Variants in JAKMIP1 observed in about 807,000 individuals in gnomAD.
The protein encoded by JAKMIP1 is janus kinase and microtubule interacting protein 1, also known as janus kinase and microtubule-interacting protein 1.
A neutral mutation model predicts 113.0 loss-of-function variants in JAKMIP1; 33 were observed. The ratio of observed to expected loss-of-function variants is 0.29; its 90% CI spans 0.22 to 0.39. The LOEUF is 0.39. JAKMIP1 is among the 10% of genes least tolerant of loss of function. JAKMIP1 has a pLI of 1.00. For missense variants in JAKMIP1, 813 were observed against 1,080.5 expected (o/e 0.75, Z 3.47); for synonymous variants, 480 against 459.9 (o/e 1.04, Z -0.56).
At chr4:6,170,784 C>T (rs1724508889) in intron 1 of JAKMIP1, among the ~76,000 whole-genome samples, 1 of 88,244 alleles carries the variant, frequency 1.1e-5, no homozygotes, top group African/African-American at 3.3e-5. Flanking sequence ...CCCACCCTCA[C>T]CACCACCACT....
intron 1 of JAKMIP1, among the ~76,000 whole-genome samples, chr4:6,125,655 G>T (rs1717344041): frequency 1.6e-5 from 2 of 121,812 alleles, no homozygotes; most frequent in African/African-American, 6.6e-5. Flanking sequence ...ACACCATGCA[G>T]AAACACACAC....
chr4:6,068,208 C>T (rs1275588684), intron 8 of JAKMIP1, among the ~76,000 whole-genome samples: 1 of 152,188 alleles, frequency 6.6e-6, no homozygotes, highest in East Asian at 1.9e-4. Flanking sequence ...GTTAAGGACT[C>T]AACTCCCAAG....
chr4:6,104,744 C>A (rs903675028), intron 3 of JAKMIP1, among the ~76,000 whole-genome samples: 2 of 152,194 alleles, frequency 1.3e-5, no homozygotes, highest in African/African-American at 4.8e-5. Flanking sequence ...CCAGTGAGGG[C>A]ATGGGAGCTG....
intron 4 of JAKMIP1, 36 bp from the exon 5 acceptor site, chr4:6,085,001 A>G: frequency 6.6e-7 from 1 of 1,524,508 alleles, no homozygotes; most frequent in Non-Finnish European, 8.8e-7. Flanking sequence ...AAAAGTCAAG[A>G]CGTAAATGTA....
chr4:6,074,352 C>T (rs1485321954), intron 8 of JAKMIP1, among the ~76,000 whole-genome samples: 1 of 152,192 alleles, frequency 6.6e-6, no homozygotes, highest in Non-Finnish European at 1.5e-5. Flanking sequence ...GTCTTTCTGA[C>T]AGAAAGTCAG....
intron 8 of JAKMIP1, among the ~76,000 whole-genome samples, chr4:6,071,313 A>G (rs1375939848): frequency 2.0e-5 from 3 of 152,164 alleles, no homozygotes; most frequent in Non-Finnish European, 4.4e-5. Flanking sequence ...CAGACCTGAG[A>G]CACCTGGGCC....
At chr4:6,114,821 G>A (rs973921165) in intron 1 of JAKMIP1, among the ~76,000 whole-genome samples, 1 of 152,202 alleles carries the variant, frequency 6.6e-6, no homozygotes, top group African/African-American at 2.4e-5. Context: ...GCAGTTCTCA[G>A]AAATCAGCCT....
chr4:6,107,782 T>C (rs1006380223), intron 2 of JAKMIP1, among the ~76,000 whole-genome samples: 9 of 152,114 alleles, frequency 5.9e-5, no homozygotes, highest in South Asian at 2.1e-4. Context: ...TCACAACCTA[T>C]TGGTTCTGTT....
rs1168591156 is a variant in JAKMIP1, at chr4:6,088,410, C to T, written c.625-2781G>A. On this transcript the variant is annotated intron_variant, in intron 3 of 20. Coordinates refer to ENST00000409021, the MANE Select transcript of JAKMIP1 (RefSeq NM_001099433.2). The surrounding 1 kb of genome is among the most constrained non-coding windows in gnomAD (Gnocchi z 5.5). ...AGTATCAGCTTTGCAGTGAAGCCCC[C>T]GCCACTGCCTTCCACTAGCTCCCCA... Among the ~76,000 whole-genome samples, 11 of 152,148 alleles carry T rather than the reference C, an allele frequency of 7.2e-5. No homozygotes were observed. The highest frequency in any genetic ancestry group is 2.7e-4 in the African/African-American group (11 of 41,424).
intron 2 of JAKMIP1, among the ~76,000 whole-genome samples, chr4:6,107,863 C>T (rs956058951): frequency 1.6e-4 from 25 of 152,318 alleles, no homozygotes; most frequent in African/African-American, 5.5e-4. Flanking sequence ...GGGATGGCAA[C>T]AGCTGCCCCT....
In JAKMIP1 at chr4:6,180,638, G is replaced by T. The variant is rs1725913789; in HGVS notation, c.-148+19615C>A. On this transcript the variant is annotated intron_variant, in intron 1 of 20. Transcript: ENST00000409021. The surrounding 1 kb of genome is among the most constrained non-coding windows in gnomAD (Gnocchi z 4.5). ...ATTACCTAGTATTCTGCAGCCCTGT[G>T]ACAAGGGTATTCTTAGTACCCCCAT... Among the ~76,000 whole-genome samples the T allele has an allele frequency of 6.6e-6, 1 of 152,180 alleles. No individual in the cohort carries two copies. The highest frequency in any genetic ancestry group is 2.4e-5 in the African/African-American group (1 of 41,434).
At position 6,061,473 on chromosome 4, in the gene JAKMIP1, C is replaced by T. The variant is rs978153310; in HGVS notation, c.1560+839G>A. 1.3e-5 allele frequency among the ~76,000 whole-genome samples: 2 copies of T among 152,176 alleles called. No homozygotes were observed. Among genetic ancestry groups the T allele is most frequent in the African/African-American group, 4.8e-5 (2 of 41,436 alleles). On this transcript the variant is annotated intron_variant, in intron 10 of 20. Coordinates refer to ENST00000409021, the MANE Select transcript of JAKMIP1 (RefSeq NM_001099433.2). This position sits in a 1 kb window ranked among gnomAD's most constrained non-coding sequence, Gnocchi z 5.3. ...CAGGCAATGCCCCATTCTGGCCCATCGCCTTTAAGACTACCAAAATCCATC... is the reference window on the plus strand; with the variant it reads ...CAGGCAATGCCCCATTCTGGCCCATTGCCTTTAAGACTACCAAAATCCATC...
chr4:6,032,688 A>T (rs1024269600), intron 19 of JAKMIP1, among the ~76,000 whole-genome samples: 2 of 152,106 alleles, frequency 1.3e-5, no homozygotes, highest in African/African-American at 4.8e-5. Flanking sequence ...AAAACAAAAC[A>T]AAACAAAACA....
chr4:6,168,218 A>G lies in JAKMIP1; in HGVS notation c.-148+32035T>C, dbSNP rs546383280. ...TCATGAAATGATGCAGCCACTTTGG[A>G]AAACAGTCTGGTGGTTCCTTAAAAT... On this transcript the variant is annotated intron_variant, in intron 1 of 20. Coordinates refer to ENST00000409021, the MANE Select transcript of JAKMIP1 (RefSeq NM_001099433.2). The surrounding 1 kb of genome is among the most constrained non-coding windows in gnomAD (Gnocchi z 4.6). 3.3e-5 allele frequency among the ~76,000 whole-genome samples: 5 copies of G among 152,338 alleles called. No homozygotes were observed. Among genetic ancestry groups the G allele is most frequent in the Admixed American group, 6.5e-5 (1 of 15,292 alleles).
chr4:6,177,606 T>C (rs1355804976), intron 1 of JAKMIP1, among the ~76,000 whole-genome samples: 1 of 152,296 alleles, frequency 6.6e-6, no homozygotes, highest in East Asian at 1.9e-4. Flanking sequence ...ACCTCACTTC[T>C]CTGTCCTGAG....
At chr4:6,113,677 A>C (rs1486531789) in intron 1 of JAKMIP1, among the ~76,000 whole-genome samples, 2 of 152,242 alleles carry the variant, frequency 1.3e-5, no homozygotes, top group Non-Finnish European at 2.9e-5. Context: ...CGGGTGAGCC[A>C]GGACTGAGCC....
intron 8 of JAKMIP1, among the ~76,000 whole-genome samples, chr4:6,070,864 T>G (rs1204401017): frequency 6.6e-6 from 1 of 152,198 alleles, no homozygotes; most frequent in African/African-American, 2.4e-5. Flanking sequence ...TAGATCAAAG[T>G]CTTCAGATTC....
chr4:6,096,208 A>T (rs1711725846), intron 3 of JAKMIP1, among the ~76,000 whole-genome samples: 1 of 152,260 alleles, frequency 6.6e-6, no homozygotes, highest in East Asian at 1.9e-4. Context: ...CTTTAAAAAA[A>T]AATCCTGGCT....
intron 3 of JAKMIP1, among the ~76,000 whole-genome samples, chr4:6,087,440 A>G (rs1190983858): frequency 6.6e-6 from 1 of 152,226 alleles, no homozygotes; most frequent in African/African-American, 2.4e-5. Flanking sequence ...CAAGCCTGCC[A>G]TCAGTGTTCA....
Sources: gnomAD v4.1 joint callset for allele counts (sites outside exome capture counted in the v4.1 genomes callset) on GRCh38, gnomAD v4.1.1 for gene constraint, Gnocchi (gnomAD v3.1) non-coding constraint, MANE v1.5 for transcripts, NCBI Gene and HGNC (gene_info 2026-07-23, HGNC 2026-07-21) for gene names.